Variants in CTNNA3 observed in about 807,000 individuals in gnomAD.
The protein encoded by CTNNA3 is catenin alpha 3, also known as catenin alpha-3.
In CTNNA3, 76 loss-of-function variants were observed where a neutral mutation model predicts 95.7. The observed-to-expected ratio is 0.79, with a 90% CI of 0.66 to 0.96. The LOEUF is 0.96. Among genes scored for constraint, CTNNA3 ranks in the 40% least tolerant of loss-of-function variants. The probability of loss-of-function intolerance (pLI) is 0.00; values close to 1 mark genes in which losing one functional copy is unlikely to be tolerated. For synonymous variants in CTNNA3, 431 were observed against 374.4 expected (o/e 1.15, Z -1.74); for missense variants, 1,191 against 1,089.8 (o/e 1.09, Z -1.31).
chr10:66,047,073 C>G (rs1471535318), intron 15 of CTNNA3, among the ~76,000 whole-genome samples: 2 of 152,158 alleles, frequency 1.3e-5, no homozygotes, highest in Non-Finnish European at 2.9e-5. Context: ...GGTACCATTC[C>G]TACTGAAACT....
intron 1 of CTNNA3, among the ~76,000 whole-genome samples, chr10:67,703,432 C>T (rs542074725): frequency 3.2e-4 from 48 of 152,210 alleles, no homozygotes; most frequent in African/African-American, 9.9e-4. Flanking sequence ...CCACCATGAT[C>T]AAGTGGGCTT....
intron 10 of CTNNA3, among the ~76,000 whole-genome samples, chr10:66,542,214 G>C (rs908946604): frequency 6.6e-6 from 1 of 152,110 alleles, no homozygotes; most frequent in East Asian, 1.9e-4. Context: ...AGTTAGAATG[G>C]CAATCATTAA....
At chr10:67,242,890 C>G (rs1865768983) in intron 5 of CTNNA3, among the ~76,000 whole-genome samples, 1 of 152,212 alleles carries the variant, frequency 6.6e-6, no homozygotes, top group South Asian at 2.1e-4. Flanking sequence ...TAATTAACCT[C>G]ACTTCAGCTA....
chr10:66,515,944 C>T (rs1225067685), intron 11 of CTNNA3, among the ~76,000 whole-genome samples: 1 of 150,696 alleles, frequency 6.6e-6, no homozygotes, highest in Non-Finnish European at 1.5e-5. Flanking sequence ...TCACAAGTAC[C>T]AGATAAGTTA....
intron 1 of CTNNA3, among the ~76,000 whole-genome samples, chr10:67,678,651 G>C (rs1840574739): frequency 6.6e-6 from 1 of 152,124 alleles, no homozygotes; most frequent in South Asian, 2.1e-4. Context: ...GCAGTTGAGA[G>C]AAAATATAAG....
rs10997298 is a variant in CTNNA3, at chr10:66,685,209, A to G, written c.1282-63425T>C. Among the ~76,000 whole-genome samples, 95 of 36,254 alleles carry G rather than the reference A, an allele frequency of 2.6e-3. 1 individual carries two copies. Among genetic ancestry groups the G allele is most frequent in the South Asian group, 9.9e-3 (10 of 1,014 alleles). The allele number at this position is 36,254 out of a possible 152,430, so 23.8% of individuals were successfully genotyped here. A position where few individuals can be genotyped will look rare whatever the true frequency, so the allele number is the denominator to read the frequency against. On this transcript the variant is annotated intron_variant, in intron 9 of 17. Transcript: ENST00000433211. ...TATATACGTGTATATATATATACGT[A>G]TATATATGTGTATATATATACGTAT...
Position 67,726,506 on chromosome 10 carries a change from ATT to A in CTNNA3, c.-2+36926_-2+36927del, listed in dbSNP as rs1360036867. ...TTATATCATATACAATATATAATAT[ATT>A]ATATATTATATTATATTATATATAT... On this transcript the variant is annotated intron_variant, in intron 1 of 17. Transcript: ENST00000684154. Among the ~76,000 whole-genome samples the A allele has an allele frequency of 5.0e-3, 336 of 67,400 alleles. 3 individuals are homozygous for A. The highest frequency in any genetic ancestry group is 0.02 in the African/African-American group (319 of 16,192). 44.2% of individuals were successfully genotyped at this position (67,400 alleles called of 152,430 possible). A position where few individuals can be genotyped will look rare whatever the true frequency, so the allele number is the denominator to read the frequency against.
intron 7 of CTNNA3, among the ~76,000 whole-genome samples, chr10:67,078,939 T>A (rs759593872): frequency 6.6e-6 from 1 of 152,350 alleles, no homozygotes; most frequent in Non-Finnish European, 1.5e-5. Context: ...GTAGACCACT[T>A]CATTTGATTA....
intron 5 of CTNNA3, among the ~76,000 whole-genome samples, chr10:67,355,588 T>C (rs989360698): frequency 1.3e-5 from 2 of 151,642 alleles, no homozygotes; most frequent in African/African-American, 2.4e-5. Context: ...GAGTTCTTCA[T>C]CATTCCTGAG....
intron 16 of CTNNA3, among the ~76,000 whole-genome samples, chr10:65,979,024 G>A (rs1387717212): frequency 6.6e-6 from 1 of 152,058 alleles, no homozygotes; most frequent in Admixed American, 6.6e-5. Flanking sequence ...ATTTATGAGA[G>A]TTATAATTGG....
intron 13 of CTNNA3, among the ~76,000 whole-genome samples, chr10:66,233,817 G>T (rs2089717682): frequency 6.6e-6 from 1 of 152,136 alleles, no homozygotes; most frequent in African/African-American, 2.4e-5. Context: ...AGGTGGAATT[G>T]AAAATGTACT....
At chr10:67,549,797 G>A (rs1840961559) in intron 3 of CTNNA3, among the ~76,000 whole-genome samples, 1 of 151,988 alleles carries the variant, frequency 6.6e-6, no homozygotes, top group Admixed American at 6.6e-5. Flanking sequence ...AGCTTTATTG[G>A]AACACAACCA....
At chr10:66,323,658 A>AG (rs1243320273) in intron 12 of CTNNA3, among the ~76,000 whole-genome samples, 1 of 144,666 alleles carries the variant, frequency 6.9e-6, no homozygotes, top group Non-Finnish European at 1.5e-5. Context: ...TCTCAAACGA[A>AG]AAAAAAAAAA....
chr10:67,244,762 A>C (rs1237358474), intron 5 of CTNNA3, among the ~76,000 whole-genome samples: 1 of 152,302 alleles, frequency 6.6e-6, no homozygotes, highest in South Asian at 2.1e-4. Context: ...ACCACGTAAA[A>C]GCTAGTCCAG....
intron 5 of CTNNA3, among the ~76,000 whole-genome samples, chr10:67,382,058 G>T (rs1843969474): frequency 6.6e-6 from 1 of 152,128 alleles, no homozygotes; most frequent in African/African-American, 2.4e-5. Flanking sequence ...GAAGCTGTTT[G>T]ACTAACAGTT....
intron 1 of CTNNA3, among the ~76,000 whole-genome samples, chr10:67,678,390 A>G (rs187979497): frequency 6.6e-6 from 1 of 152,318 alleles, no homozygotes; most frequent in African/African-American, 2.4e-5. Flanking sequence ...AAGACAATGA[A>G]GTAATTAAAA....
chr10:66,472,003 T>A (rs1564995804), intron 11 of CTNNA3, among the ~76,000 whole-genome samples: 1 of 152,016 alleles, frequency 6.6e-6, no homozygotes, highest in Non-Finnish European at 1.5e-5. Flanking sequence ...ATTATAAGCA[T>A]TTGCTATTTA....
intron 5 of CTNNA3, among the ~76,000 whole-genome samples, chr10:67,441,894 A>G (rs1846533064): frequency 6.6e-6 from 1 of 152,186 alleles, no homozygotes; most frequent in Admixed American, 6.5e-5. Flanking sequence ...AGCATACAGA[A>G]AAACACAGAC....
In CTNNA3 at chr10:66,312,272, G is replaced by A. The variant is rs76989525; in HGVS notation, c.1733-31651C>T. On this transcript the variant is annotated intron_variant, in intron 12 of 17. Transcript: ENST00000433211. ...CCATTCAGTTAAAGGCAAAGTTTCC[G>A]AATCCTAAAATTTTCTACATCTCAC... 7.2e-3 allele frequency among the ~76,000 whole-genome samples: 1,102 copies of A among 152,124 alleles called. 11 individuals carry two copies. Among genetic ancestry groups the A allele is most frequent in the African/African-American group, 0.025 (1,050 of 41,510 alleles).
Sources: allele counts gnomAD v4.1 joint callset (sites outside exome capture counted in the v4.1 genomes callset), GRCh38; gene constraint gnomAD v4.1.1; transcripts MANE v1.5; gene names NCBI Gene and HGNC (gene_info 2026-07-23, HGNC 2026-07-21).